Variants in MDGA2 observed in about 807,000 individuals in gnomAD.
The protein encoded by MDGA2 is MAM domain containing glycosylphosphatidylinositol anchor 2.
A neutral mutation model predicts 117.8 loss-of-function variants in MDGA2; 40 were observed. That is an observed-to-expected ratio of 0.34 (90% CI 0.26 to 0.44). The LOEUF (loss-of-function observed/expected upper bound fraction) is 0.44, where lower values mean the gene tolerates loss of function less well. MDGA2 is among the 20% of genes least tolerant of loss of function. The pLI is 1.00. For missense variants in MDGA2, 1,123 were observed against 1,250.6 expected, an observed-to-expected ratio of 0.90 and a Z score of 1.54; for synonymous variants, 452 against 439.0, an observed-to-expected ratio of 1.03 and a Z score of -0.37.
At chr14:47,200,606 T>G in intron 3 of MDGA2, 1 of 1,236,426 alleles carries the variant, frequency 8.1e-7, no homozygotes, top group Non-Finnish European at 1.1e-6. Context: ...CTTGAAGACC[T>G]CTGTATATTT....
At chr14:47,631,958 T>C (rs1318939441) in intron 1 of MDGA2, among the ~76,000 whole-genome samples, 1 of 151,710 alleles carries the variant, frequency 6.6e-6, no homozygotes, top group Non-Finnish European at 1.5e-5. Context: ...TCATCCGCTA[T>C]TGTTAGTGTT....
At chr14:47,569,424 A>T (rs1480629475) in intron 1 of MDGA2, among the ~76,000 whole-genome samples, 3 of 152,166 alleles carry the variant, frequency 2.0e-5, no homozygotes, top group Non-Finnish European at 4.4e-5. Context: ...CAGTCAGGTT[A>T]AAAAAATTAT....
chr14:46,962,952 T>G (rs1464400671), intron 8 of MDGA2, among the ~76,000 whole-genome samples: 1 of 152,194 alleles, frequency 6.6e-6, no homozygotes, highest in Non-Finnish European at 1.5e-5. Flanking sequence ...AGGAGCTGCA[T>G]GTTTTAGAGA....
At chr14:47,143,439 A>G (rs1337596037) in intron 4 of MDGA2, among the ~76,000 whole-genome samples, 1 of 152,174 alleles carries the variant, frequency 6.6e-6, no homozygotes, top group Non-Finnish European at 1.5e-5. Flanking sequence ...ACGAATTTCA[A>G]TATCTTCCTC....
At chr14:47,626,787 A>G (rs2138211220) in intron 1 of MDGA2, among the ~76,000 whole-genome samples, 1 of 152,280 alleles carries the variant, frequency 6.6e-6, no homozygotes, top group African/African-American at 2.4e-5. Context: ...GCCATGCCTG[A>G]GCATCCCCCA....
At chr14:47,013,917 A>C (rs2138548550) in intron 8 of MDGA2, among the ~76,000 whole-genome samples, 1 of 149,930 alleles carries the variant, frequency 6.7e-6, no homozygotes, top group African/African-American at 2.4e-5. Flanking sequence ...TGCCTCAGCC[A>C]CCCAAGTACC....
chr14:46,894,112 A>C lies in MDGA2; in HGVS notation c.2239-11891T>G, dbSNP rs188899673. On this transcript the variant is annotated intron_variant, in intron 10 of 16. Transcript: ENST00000399232. ...ATTTTTGAGGACTCACTATTGCCAG[A>C]TATTTTGCTAAATATTTTACACATT... Among the ~76,000 whole-genome samples, 6 of 152,176 alleles carry C rather than the reference A, an allele frequency of 3.9e-5. No homozygotes were observed. The East Asian group carries it at 1.2e-3, about 29-fold the overall frequency.
At chr14:47,002,754 C>A (rs115075784) in intron 8 of MDGA2, among the ~76,000 whole-genome samples, 3,181 of 151,934 alleles carry the variant, frequency 0.021, 109 homozygotes, top group African/African-American at 0.071. Context: ...TTTATTTATA[C>A]TTGAATTTAA....
chr14:47,656,208 T>C (rs1037017451), intron 1 of MDGA2, among the ~76,000 whole-genome samples: 2 of 152,162 alleles, frequency 1.3e-5, no homozygotes, highest in East Asian at 1.9e-4. Flanking sequence ...ATAAAAATGA[T>C]ACATTTGGGA....
intron 6 of MDGA2, among the ~76,000 whole-genome samples, chr14:47,073,639 T>C (rs1413229190): frequency 6.6e-6 from 1 of 152,192 alleles, no homozygotes; most frequent in Non-Finnish European, 1.5e-5. Context: ...CAGTATTTTA[T>C]TATAAGACAA....
At chr14:47,107,746 C>T (rs1186416812) in intron 5 of MDGA2, among the ~76,000 whole-genome samples, 1 of 151,230 alleles carries the variant, frequency 6.6e-6, no homozygotes, top group Admixed American at 6.6e-5. Context: ...AGAATTTTTA[C>T]ACAAGAGCCA....
intron 9 of MDGA2, among the ~76,000 whole-genome samples, chr14:46,937,363 T>G (rs1884822983): frequency 6.6e-6 from 1 of 151,720 alleles, no homozygotes; most frequent in African/African-American, 2.4e-5. Context: ...AAGAATACTG[T>G]TACAATGACC....
chr14:47,456,163 T>G (rs941607432), intron 1 of MDGA2, among the ~76,000 whole-genome samples: 25 of 152,294 alleles, frequency 1.6e-4, no homozygotes, highest in African/African-American at 6.0e-4. Context: ...CCTCTATTTC[T>G]ATTGCCTTTT....
intron 8 of MDGA2, among the ~76,000 whole-genome samples, chr14:46,978,523 A>C (rs1886551769): frequency 6.6e-6 from 1 of 152,098 alleles, no homozygotes; most frequent in Admixed American, 6.6e-5. Context: ...AACAACTATA[A>C]AAATATATAT....
intron 1 of MDGA2, among the ~76,000 whole-genome samples, chr14:47,463,075 A>C (rs967813703): frequency 6.6e-6 from 1 of 152,192 alleles, no homozygotes; most frequent in Non-Finnish European, 1.5e-5. Context: ...TTGGAAAGGA[A>C]CAAGATCATT....
Position 47,374,312 on chromosome 14 carries a change from C to A in MDGA2, c.281-72762G>T, listed in dbSNP as rs189120757. On this transcript the variant is annotated intron_variant, in intron 1 of 16. Coordinates refer to ENST00000399232, the MANE Select transcript of MDGA2 (RefSeq NM_001113498.3). ...GTCCTGAGTTCTCATGAATAATGTA[C>A]CTGACCTTAAATGCTTACATATTGT... 7.0e-4 allele frequency among the ~76,000 whole-genome samples: 106 copies of A among 152,088 alleles called. 2 individuals carry two copies. Among genetic ancestry groups the A allele is most frequent in the Admixed American group, 6.6e-3 (101 of 15,240 alleles).
intron 10 of MDGA2, among the ~76,000 whole-genome samples, chr14:46,904,266 G>A (rs769781258): frequency 8.6e-5 from 13 of 151,540 alleles, no homozygotes; most frequent in Admixed American, 3.3e-4. Context: ...CAGCTACTCC[G>A]GAGGCTGAGG....
intron 1 of MDGA2, among the ~76,000 whole-genome samples, chr14:47,554,340 G>A (rs541721295): frequency 2.6e-5 from 4 of 152,172 alleles, no homozygotes; most frequent in South Asian, 2.1e-4. Flanking sequence ...ATGTTTGTTC[G>A]TTTTCTCTTA....
intron 1 of MDGA2, among the ~76,000 whole-genome samples, chr14:47,514,471 CTT>C (rs1894710950): frequency 6.6e-6 from 1 of 152,082 alleles, no homozygotes; most frequent in African/African-American, 2.4e-5. Flanking sequence ...TGTCTCTAAT[CTT>C]TGTTTTACAA....
Sources: allele counts gnomAD v4.1 joint callset (sites outside exome capture counted in the v4.1 genomes callset), GRCh38; gene constraint gnomAD v4.1.1; transcripts MANE v1.5; gene names NCBI Gene and HGNC (gene_info 2026-07-23, HGNC 2026-07-21).